The following KIF17 variants were observed in gnomAD, a reference collection of about 807,000 sequenced individuals.
KIF17 encodes the protein kinesin family member 17.
A neutral mutation model predicts 96.8 loss-of-function variants in KIF17; 80 were observed. The observed-to-expected ratio is 0.83, with a 90% CI of 0.69 to 1.00. The LOEUF (loss-of-function observed/expected upper bound fraction) is 1.00. Ranked by LOEUF, KIF17 falls within the 50% of genes least tolerant of loss-of-function variation. The pLI, the probability that KIF17 is intolerant of heterozygous loss-of-function variation, is 0.00. For synonymous variants in KIF17, 567 were observed against 587.5 expected (o/e 0.97, Z 0.51); for missense variants, 1,280 against 1,372.9 (o/e 0.93, Z 1.07).
At chr1:20,694,231 G>A (rs1230112800) in intron 6 of KIF17, among the ~76,000 whole-genome samples, 1 of 151,950 alleles carries the variant, frequency 6.6e-6, no homozygotes, top group Non-Finnish European at 1.5e-5. Context: ...CTGAGTAGCT[G>A]GGACTACAGG....
Position 20,666,301 on chromosome 1 carries a change from G to A in KIF17, c.2821C>T (p.Arg941Trp), listed in dbSNP as rs779099245. ...CTGGCAATGTTTTCACTGTTGCTCC[G>A]ACTGAGCATGAGCCTGTAGCGGTCG... The part of the protein sequence containing the change: ...EDDRYRLMLS[R>W]SNSENIASNY... Residue 941 changes from arginine to tryptophan, a missense_variant, in exon 14 of 15, where the codon CGG (arginine) becomes TGG (tryptophan). Transcript: ENST00000400463. 3.2e-5 allele frequency: 52 copies of A among 1,613,970 alleles called. No individual in the cohort carries two copies. Among genetic ancestry groups the A allele is most frequent in the Middle Eastern group, 1.6e-4 (1 of 6,082 alleles).
chr1:20,702,903 A>G (rs2054262606), intron 5 of KIF17, among the ~76,000 whole-genome samples: 1 of 152,200 alleles, frequency 6.6e-6, no homozygotes, highest in African/African-American at 2.4e-5. Context: ...GTACCCCACG[A>G]GGCACAGCCT....
chr1:20,705,560 G>A lies in KIF17; in HGVS notation c.671-661C>T, dbSNP rs577280573. 5.3e-5 allele frequency among the ~76,000 whole-genome samples: 8 copies of A among 152,318 alleles called. No individual in the cohort carries two copies. In the South Asian group the frequency reaches 1.4e-3, roughly 28 times the overall value. ...TGCCTCTGTGCCGGCGCGCAGAACT[G>A]TGCAGAGCTCCACAGACACGCTTTG... is the stretch of plus-strand genomic sequence containing the variant. On this transcript the variant is annotated intron_variant, in intron 4 of 14. Transcript: ENST00000400463.
intron 5 of KIF17, among the ~76,000 whole-genome samples, chr1:20,702,068 C>T (rs994136433): frequency 4.6e-5 from 7 of 152,134 alleles, no homozygotes; most frequent in Non-Finnish European, 5.9e-5. Context: ...GTCTCTGGAG[C>T]CCACCGTGCC....
At chr1:20,708,885 A>C (rs1208677364) in intron 4 of KIF17, among the ~76,000 whole-genome samples, 1 of 152,024 alleles carries the variant, frequency 6.6e-6, no homozygotes, top group Non-Finnish European at 1.5e-5. Flanking sequence ...TAATAATGAG[A>C]TGACTGAGGA....
In KIF17 at chr1:20,690,352, G is replaced by GGGGGGGGCCCCA; in HGVS notation, c.1234-18_1234-17insTGGGGCCCCCCC. 2.2e-6 allele frequency: 1 copy of GGGGGGGGCCCCA among 451,166 alleles called. No individual in the cohort carries two copies. 27.9% of individuals were successfully genotyped at this position (451,166 alleles called of 1,614,324 possible). The stretch of plus-strand genomic sequence containing the variant: ...TTCATACTCCTGGGGGGGTGGGAGG[G>GGGGGGGGCCCCA]ACCAGAGGGCAGGCAGCATTTTATC... On this transcript the variant is annotated splice_polypyrimidine_tract_variant and intron_variant, in intron 6 of 14. Transcript: ENST00000400463.
chr1:20,675,447 C>CAA (rs34630887), intron 11 of KIF17, among the ~76,000 whole-genome samples: 39 of 121,982 alleles, frequency 3.2e-4, no homozygotes, highest in East Asian at 4.7e-4. Flanking sequence ...GACTCTGTCT[C>CAA]AAAAAAAAAA....
intron 4 of KIF17, among the ~76,000 whole-genome samples, chr1:20,705,893 C>CT (rs747719983): frequency 0.015 from 804 of 53,538 alleles, 201 homozygotes; most frequent in African/African-American, 0.018. Context: ...TAGGATGTCT[C>CT]TTTTTTTTTT....
chr1:20,670,434 C>T lies in KIF17; in HGVS notation c.2777G>A (p.Gly926Asp). 1 of 1,613,984 alleles carries T rather than the reference C, an allele frequency of 6.2e-7. No individual in the cohort carries two copies. The highest frequency in any genetic ancestry group is 2.2e-5 in the East Asian group (1 of 44,894). The change falls in exon 13 of 15, where the codon GGC becomes GAC. Residue 926 changes from glycine to aspartate, a missense_variant. Coordinates refer to ENST00000400463, the MANE Select transcript of KIF17 (RefSeq NM_001122819.3). ...CGCGGTCCTCACCATGTTCGGCTCGCCATTGTCTGCTGCAGAGGTTTTGCG... is the reference window on the plus strand; with the variant it reads ...CGCGGTCCTCACCATGTTCGGCTCGTCATTGTCTGCTGCAGAGGTTTTGCG... ...PARKTSAADN[G>D]EPNMEDDRYR...
In KIF17 at chr1:20,685,014, C is replaced by T. The variant is rs572966268; in HGVS notation, c.2026G>A (p.Asp676Asn). ...ADDFPPRPEV[D>N]LASEVALEVV... The stretch of plus-strand genomic sequence containing the variant: ...TCTAAGGCCACTTCCGAGGCCAGAT[C>T]TACCTCCTGAGTGTGAAGAGAAACC... The change falls in exon 10 of 15, where the codon GAT becomes AAT. Residue 676 changes from aspartate (D) to asparagine (N), a missense_variant. Asp to Asn is a conservative substitution (Grantham distance 23). Coordinates refer to ENST00000400463, the MANE Select transcript of KIF17 (RefSeq NM_001122819.3). The surrounding 1 kb of genome is among the most constrained non-coding windows in gnomAD (Gnocchi z 4.1). The T allele has an allele frequency of 6.3e-7, 1 of 1,592,508 alleles. No individual in the cohort carries two copies. Among genetic ancestry groups the T allele is most frequent in the Admixed American group, 1.8e-5 (1 of 56,790 alleles).
At chr1:20,670,869 T>TG (rs1219791545) in intron 12 of KIF17, among the ~76,000 whole-genome samples, 1 of 152,048 alleles carries the variant, frequency 6.6e-6, no homozygotes, top group Admixed American at 6.6e-5. Flanking sequence ...GGAGGACTCC[T>TG]GGGGGGCACT....
At position 20,715,656 on chromosome 1, in the gene KIF17, C is replaced by A; in HGVS notation, c.232-17G>T. 6.2e-7 allele frequency: 1 copy of A among 1,613,662 alleles called. No homozygotes were observed. The highest frequency in any genetic ancestry group is 1.3e-5 in the African/African-American group (1 of 75,066). On this transcript the variant is annotated splice_polypyrimidine_tract_variant and intron_variant, in intron 1 of 14. Coordinates refer to ENST00000400463, the MANE Select transcript of KIF17 (RefSeq NM_001122819.3). ...AGTGACGCCCTGCATGGGAGGAAGG[C>A]AGGACCCCGTGCTCAGTGGAGCAGG...
intron 6 of KIF17, among the ~76,000 whole-genome samples, chr1:20,690,709 C>T (rs111891490): frequency 0.063 from 9,423 of 150,698 alleles, 394 homozygotes; most frequent in Non-Finnish European, 0.088. Context: ...TTTTTTGAGA[C>T]GGAGTCTCGC....
Position 20,690,352 on chromosome 1 carries a change from G to GGGGGGGGC in KIF17, c.1234-18_1234-17insGCCCCCCC. 2.2e-6 allele frequency: 1 copy of GGGGGGGGC among 451,172 alleles called. No homozygotes were observed. The highest frequency in any genetic ancestry group is 4.3e-6 in the Non-Finnish European group (1 of 235,152). The allele number at this position is 451,172 out of a possible 1,614,324, so 27.9% of individuals were successfully genotyped here. The stretch of plus-strand genomic sequence containing the variant: ...TTCATACTCCTGGGGGGGTGGGAGG[G>GGGGGGGGC]ACCAGAGGGCAGGCAGCATTTTATC... On this transcript the variant is annotated splice_polypyrimidine_tract_variant and intron_variant, in intron 6 of 14. Coordinates refer to ENST00000400463, the MANE Select transcript of KIF17 (RefSeq NM_001122819.3).
At chr1:20,688,021 C>T (rs2053970780) in intron 7 of KIF17, 77 bp from the exon 8 acceptor site, 6 of 1,256,048 alleles carry the variant, frequency 4.8e-6, no homozygotes, top group South Asian at 1.3e-5. Flanking sequence ...GGCTCCAAGC[C>T]CAGTGTGTTG....
At chr1:20,712,606 ATATATATATAATATAGATAATATC>A (rs2054465571) in intron 3 of KIF17, among the ~76,000 whole-genome samples, 1 of 11,492 alleles carries the variant, frequency 8.7e-5, no homozygotes, top group South Asian at 3.1e-3. Flanking sequence ...ATATATATCT[ATATATATATAATATAGATAATATC>A]TATATATATA....
At chr1:20,713,759 G>T (rs1309764231) in intron 2 of KIF17, among the ~76,000 whole-genome samples, 3 of 152,000 alleles carry the variant, frequency 2.0e-5, no homozygotes, top group Non-Finnish European at 4.4e-5. Flanking sequence ...GGGCGCTCAG[G>T]CCTCTTTGAG....
At chr1:20,703,870 G>A (rs1490481174) in intron 5 of KIF17, among the ~76,000 whole-genome samples, 1 of 151,868 alleles carries the variant, frequency 6.6e-6, no homozygotes, top group Non-Finnish European at 1.5e-5. Flanking sequence ...GGCAGAGGTT[G>A]CAATGAGCCG....
At chr1:20,712,531 A>G (rs2054455844) in intron 3 of KIF17, among the ~76,000 whole-genome samples, 2 of 114,322 alleles carry the variant, frequency 1.7e-5, no homozygotes, top group South Asian at 5.2e-4. Context: ...CTTGTCATAT[A>G]TATATCTATA....
Sources: allele counts gnomAD v4.1 joint callset (sites outside exome capture counted in the v4.1 genomes callset), GRCh38; gene constraint gnomAD v4.1.1; non-coding constraint Gnocchi (gnomAD v3.1); transcripts MANE v1.5; gene names NCBI Gene and HGNC (gene_info 2026-07-23, HGNC 2026-07-21).